The following ZNF398 variants were observed in gnomAD, a reference collection of about 807,000 sequenced individuals.
The protein encoded by ZNF398 is zinc finger protein 398.
A neutral mutation model predicts 41.9 loss-of-function variants in ZNF398; 18 were observed. That is an observed-to-expected ratio of 0.43 (90% CI 0.30 to 0.64). ZNF398 has a LOEUF of 0.64. ZNF398 is among the 30% of genes least tolerant of loss of function. The pLI is 0.14. For missense variants in ZNF398, 669 were observed against 822.8 expected (o/e 0.81, Z 2.29); for synonymous variants, 260 against 308.8 (o/e 0.84, Z 1.66).
At chr7:149,145,254 A>T (rs962023905), upstream of ZNF398, among the ~76,000 whole-genome samples, 2 of 152,180 alleles carry the variant, frequency 1.3e-5, no homozygotes, top group Non-Finnish European at 2.9e-5. Context: ...CTTCCTGGAA[A>T]ACCAGGGTCA....
At position 149,147,595 on chromosome 7, in the gene ZNF398, CGT is replaced by C; in HGVS notation, c.-146_-145del. The C allele has an allele frequency of 4.5e-6, 4 of 898,112 alleles. No homozygotes were observed. The highest frequency in any genetic ancestry group is 5.7e-6 in the Non-Finnish European group (4 of 696,076). The allele number at this position is 898,112 out of a possible 1,614,324, so 55.6% of individuals were successfully genotyped here. On this transcript the variant is annotated 5_prime_UTR_variant, in exon 1 of 6. Coordinates refer to ENST00000475153, the MANE Select transcript of ZNF398 (RefSeq NM_170686.3). The surrounding 1 kb of genome is among the most constrained non-coding windows in gnomAD (Gnocchi z 5.6). ...TGCGCGTCCCGAGCCCCGACGGCCG[CGT>C]GAGTCCCGTCCGTGCGGGGAAGGCA...
upstream of ZNF398, chr7:149,147,084 G>T (rs975008099): frequency 6.6e-6 from 1 of 152,186 alleles, no homozygotes; most frequent in Non-Finnish European, 1.5e-5. The surrounding 1 kb of genome is among the most constrained non-coding windows in gnomAD (Gnocchi z 5.6). Context: ...CCCTTCAGCC[G>T]TGTCCCCCTT....
chr7:149,126,767 G>C (rs980634943), intron 1 of ZNF398: 8 of 153,666 alleles, frequency 5.2e-5, no homozygotes, highest in African/African-American at 1.9e-4. Context: ...AGGTGGTGGG[G>C]GGCGCGCGGT....
At chr7:149,131,721 T>C (rs114914317) in intron 2 of ZNF398, among the ~76,000 whole-genome samples, 116 of 152,106 alleles carry the variant, frequency 7.6e-4, no homozygotes, top group African/African-American at 2.5e-3. Context: ...AAAAAACATA[T>C]GCAGAACAAT....
Position 149,157,181 on chromosome 7 carries a change from A to G in ZNF398, c.420+2841A>G, listed in dbSNP as rs139026418. Among the ~76,000 whole-genome samples, 21 of 152,088 alleles carry G rather than the reference A, an allele frequency of 1.4e-4. 1 individual carries two copies. The highest frequency in any genetic ancestry group is 2.6e-4 in the Non-Finnish European group (18 of 67,954). On this transcript the variant is annotated intron_variant, in intron 2 of 5. Transcript: ENST00000475153. ...AGGAAATTAGGAGTTCCCCTTTGAC[A>G]ATGTTAGGTTTGAAATGCCTGTGAT...
intron 1 of ZNF398, among the ~76,000 whole-genome samples, chr7:149,151,689 A>G (rs545025647): frequency 1.3e-5 from 2 of 150,252 alleles, no homozygotes; most frequent in African/African-American, 2.5e-5. Context: ...ATAAAAAAAT[A>G]AAAAAAAAAT....
intron 2 of ZNF398, among the ~76,000 whole-genome samples, chr7:149,160,433 AT>A (rs1167394474): frequency 2.0e-5 from 3 of 151,232 alleles, no homozygotes; most frequent in Non-Finnish European, 4.4e-5. Flanking sequence ...GCATATGGCC[AT>A]TCCCTACATG....
rs1563162008 is a variant in ZNF398 at position 149,161,986 on chromosome 7, G to GA, written c.421-4165dup. 1.2e-4 allele frequency among the ~76,000 whole-genome samples: 18 copies of GA among 152,114 alleles called. No individual in the cohort carries two copies. The South Asian group carries it at 3.7e-3, about 32-fold the overall frequency. The stretch of plus-strand genomic sequence containing the variant: ...GGAAGAAGAATTTACATGTAGTTTA[G>GA]AAAAAAACTCTAAAATTTGAATTAG... On this transcript the variant is annotated intron_variant, in intron 2 of 5. Transcript: ENST00000475153.
At chr7:149,136,675 C>T (rs1826720589) in intron 2 of ZNF398, among the ~76,000 whole-genome samples, 1 of 151,938 alleles carries the variant, frequency 6.6e-6, no homozygotes, top group Non-Finnish European at 1.5e-5. Flanking sequence ...TCAAGGGATT[C>T]TCCTGTCTCA....
In ZNF398 at chr7:149,179,303, T is replaced by C. The variant is rs374723469; in HGVS notation, c.1431T>C (p.His477=). 3.7e-5 allele frequency: 60 copies of C among 1,613,142 alleles called. No individual in the cohort carries two copies. The highest frequency in any genetic ancestry group is 1.2e-4 in the Admixed American group (7 of 60,000). The change falls in exon 6 of 6, where the codon CAT becomes CAC. Residue 477 remains histidine (H), a synonymous_variant. Transcript: ENST00000475153. The surrounding 1 kb of genome is among the most constrained non-coding windows in gnomAD (Gnocchi z 6.1). ...GCCTCCTGCTCCACCAGCGGGGTCATGCACAAGAGCGCCCTTTCTCCTGCC... is the reference window on the plus strand; with the variant it reads ...GCCTCCTGCTCCACCAGCGGGGTCACGCACAAGAGCGCCCTTTCTCCTGCC... ...KISLLLHQRG[H]AQERPFSCPQ... is the part of the protein sequence containing the mutation.
rs2129519952 is a variant in ZNF398 at position 149,147,544 on chromosome 7, G to A, written c.-199G>A. ...GCGACCCCAGCTTGATCCGCCGCCT[G>A]CTGCACCGCGCCTCCGCCGCGTTCC... On this transcript the variant is annotated 5_prime_UTR_variant, in exon 1 of 6. Coordinates refer to ENST00000475153, the MANE Select transcript of ZNF398 (RefSeq NM_170686.3). The surrounding 1 kb of genome is among the most constrained non-coding windows in gnomAD (Gnocchi z 5.6). 1 of 429,206 alleles carries A rather than the reference G, an allele frequency of 2.3e-6. No homozygotes were observed. The highest frequency in any genetic ancestry group is 4.6e-5 in the East Asian group (1 of 21,516). The allele number at this position is 429,206 out of a possible 1,614,324, so 26.6% of individuals were successfully genotyped here.
intron 2 of ZNF398, among the ~76,000 whole-genome samples, chr7:149,135,266 C>G (rs547836730): frequency 6.6e-6 from 1 of 150,906 alleles, no homozygotes; most frequent in Admixed American, 6.6e-5. Flanking sequence ...GGCAGGTGCC[C>G]GTAGTCCCAG....
intron 1 of ZNF398, among the ~76,000 whole-genome samples, chr7:149,152,168 G>A (rs1827134036): frequency 6.6e-6 from 1 of 151,844 alleles, no homozygotes; most frequent in Admixed American, 6.6e-5. Flanking sequence ...AAGCTGAGAT[G>A]GCACCACTGT....
At chr7:149,126,650 G>A (rs189334930) in exon 1 of ZNF398, 127 of 232,354 alleles carry the variant, frequency 5.5e-4, no homozygotes, top group African/African-American at 2.9e-3. Context: ...GAGAGGCAGC[G>A]AGAGGGTGAG....
chr7:149,150,995 C>T (rs1375223273), intron 1 of ZNF398, among the ~76,000 whole-genome samples: 1 of 152,186 alleles, frequency 6.6e-6, no homozygotes, highest in African/African-American at 2.4e-5. Flanking sequence ...CAGGCATGAG[C>T]CACTGTGCCT....
intron 2 of ZNF398, among the ~76,000 whole-genome samples, chr7:149,159,222 G>A (rs1795047806): frequency 2.0e-5 from 3 of 151,972 alleles, no homozygotes; most frequent in African/African-American, 7.2e-5. Flanking sequence ...GATTACAGGT[G>A]TGAGCCACCG....
intron 2 of ZNF398, among the ~76,000 whole-genome samples, chr7:149,155,714 T>A (rs28472465): frequency 0.1 from 3,261 of 31,798 alleles, 79 homozygotes; most frequent in Admixed American, 0.16. Flanking sequence ...TATATTTTTT[T>A]TTTTTTTTTT....
chr7:149,133,901 G>A (rs1289119189), intron 2 of ZNF398, among the ~76,000 whole-genome samples: 2 of 148,962 alleles, frequency 1.3e-5, no homozygotes, highest in Non-Finnish European at 3.0e-5. Context: ...ACAGGCATGC[G>A]CCACTGTGCC....
intron 2 of ZNF398, among the ~76,000 whole-genome samples, chr7:149,159,715 C>CAA (rs563529439): frequency 7.0e-6 from 1 of 142,736 alleles, no homozygotes; most frequent in African/African-American, 2.5e-5. Context: ...AACTTTTCCT[C>CAA]AAAAAAAAAA....
Sources: gnomAD v4.1 joint callset for allele counts (sites outside exome capture counted in the v4.1 genomes callset) on GRCh38, gnomAD v4.1.1 for gene constraint, Gnocchi (gnomAD v3.1) non-coding constraint, MANE v1.5 for transcripts, NCBI Gene and HGNC (gene_info 2026-07-23, HGNC 2026-07-21) for gene names.